DROSHA: variants seen among roughly 807,000 people sequenced by gnomAD.
DROSHA encodes ribonuclease 3.
In DROSHA, 56 loss-of-function variants were observed where a neutral mutation model predicts 181.9. The observed-to-expected ratio is 0.31, with a 90% CI of 0.25 to 0.38. The LOEUF is 0.38. Ranked by LOEUF, DROSHA falls within the 10% of genes least tolerant of loss-of-function variation. DROSHA has a pLI of 1.00. For missense variants in DROSHA, 1,218 were observed against 1,743.5 expected (o/e 0.70, Z 5.37); for synonymous variants, 524 against 591.2 (o/e 0.89, Z 1.65).
At chr5:31,417,102 CTATT>C (rs1451832661) in intron 30 of DROSHA, among the ~76,000 whole-genome samples, 1 of 152,104 alleles carries the variant, frequency 6.6e-6, no homozygotes, top group Non-Finnish European at 1.5e-5. Context: ...AAGTGGTTGC[CTATT>C]TATTCAGGGT....
chr5:31,481,530 T>C (rs4543278), intron 16 of DROSHA, among the ~76,000 whole-genome samples: 146,994 of 152,318 alleles, frequency 0.97, 71,032 homozygotes, highest in East Asian at 1. Context: ...AAGTTTACTG[T>C]TGAAGCTCCA....
chr5:31,453,970 G>C (rs1206547471), intron 20 of DROSHA, among the ~76,000 whole-genome samples: 1 of 147,134 alleles, frequency 6.8e-6, no homozygotes, highest in Non-Finnish European at 1.5e-5. Flanking sequence ...TAAAAATAGA[G>C]CAACTAGACT....
intron 4 of DROSHA, among the ~76,000 whole-genome samples, chr5:31,528,406 A>G (rs1361340732): frequency 6.6e-6 from 1 of 152,162 alleles, no homozygotes; most frequent in Non-Finnish European, 1.5e-5. Context: ...CTCTTTTCCT[A>G]GTATTTCCTA....
chr5:31,530,189 T>C (rs1741105142), intron 3 of DROSHA, among the ~76,000 whole-genome samples: 1 of 152,114 alleles, frequency 6.6e-6, no homozygotes, highest in South Asian at 2.1e-4. Context: ...GGTGCAATCA[T>C]AGCTCACTGC....
At position 31,490,130 on chromosome 5, in the gene DROSHA, C is replaced by T. The variant is rs549902368; in HGVS notation, c.1842+3077G>A. Among the ~76,000 whole-genome samples the T allele has an allele frequency of 6.6e-5, 10 of 151,884 alleles. No homozygotes were observed. The East Asian group carries it at 1.4e-3, about 21-fold the overall frequency. On this transcript the variant is annotated intron_variant, in intron 13 of 35. Transcript: ENST00000344624. The stretch of plus-strand genomic sequence containing the variant: ...ACCTCAGGTGATCTGCCCGCCTCAG[C>T]CTCCCAAAGTGCTGGGATTACAGGT...
At chr5:31,461,918 T>C (rs1204292060) in intron 20 of DROSHA, among the ~76,000 whole-genome samples, 2 of 152,110 alleles carry the variant, frequency 1.3e-5, no homozygotes, top group South Asian at 2.1e-4. Flanking sequence ...TGAAATAATA[T>C]TTAATATGTC....
intron 11 of DROSHA, among the ~76,000 whole-genome samples, chr5:31,497,072 CT>C (rs1219603185): frequency 2.6e-5 from 4 of 152,206 alleles, no homozygotes; most frequent in Non-Finnish European, 5.9e-5. Context: ...CATTCCACAG[CT>C]TGAAGGCCTA....
At chr5:31,505,278 A>G (rs1737789781) in intron 10 of DROSHA, among the ~76,000 whole-genome samples, 1 of 152,218 alleles carries the variant, frequency 6.6e-6, no homozygotes, top group Non-Finnish European at 1.5e-5. Flanking sequence ...TGCTCAATGA[A>G]TATCTGTTCT....
chr5:31,418,278 A>G (rs1369138366), intron 30 of DROSHA, among the ~76,000 whole-genome samples: 2 of 151,988 alleles, frequency 1.3e-5, no homozygotes, highest in African/African-American at 2.4e-5. Context: ...AGAGAGAGAG[A>G]GACACAGAGA....
intron 16 of DROSHA, among the ~76,000 whole-genome samples, chr5:31,478,531 C>T (rs1450286377): frequency 2.0e-5 from 3 of 152,026 alleles, no homozygotes; most frequent in Admixed American, 6.6e-5. Context: ...GTCAGGAGTT[C>T]GAGACCAGCC....
At chr5:31,505,693 G>C (rs570515976) in intron 10 of DROSHA, 7 of 152,294 alleles carry the variant, frequency 4.6e-5, no homozygotes, top group African/African-American at 1.7e-4. Context: ...AGGCTGGTCA[G>C]AGTGTAATGG....
intron 5 of DROSHA, among the ~76,000 whole-genome samples, chr5:31,522,734 T>A (rs1425596270): frequency 6.6e-6 from 1 of 152,194 alleles, no homozygotes; most frequent in East Asian, 1.9e-4. Context: ...CCATGAGAAT[T>A]CTTGCGTGGT....
intron 27 of DROSHA, among the ~76,000 whole-genome samples, chr5:31,426,764 G>A (rs975855545): frequency 2.6e-5 from 4 of 152,158 alleles, no homozygotes; most frequent in Non-Finnish European, 4.4e-5. Context: ...TTGGGAGGCT[G>A]TAACCAAAGA....
intron 21 of DROSHA, among the ~76,000 whole-genome samples, 186 bp downstream of exon 21, chr5:31,451,347 C>G (rs1172886490): frequency 6.6e-6 from 1 of 152,214 alleles, no homozygotes; most frequent in African/African-American, 2.4e-5. Context: ...GGGACGGTCT[C>G]ACATAAATGT....
intron 11 of DROSHA, among the ~76,000 whole-genome samples, chr5:31,497,156 A>T (rs1182759146): frequency 6.6e-6 from 1 of 152,214 alleles, no homozygotes; most frequent in Non-Finnish European, 1.5e-5. Context: ...CCCAGCAGGC[A>T]TCTGAGGGTA....
At chr5:31,528,928 T>G in intron 4 of DROSHA, 112 bp downstream of exon 4, 12 of 1,371,042 alleles carry the variant, frequency 8.8e-6, no homozygotes, top group African/African-American at 1.4e-5. Context: ...AATGAGCACA[T>G]TATCCCCTCT....
chr5:31,529,856 T>A (rs1261217226), intron 3 of DROSHA, among the ~76,000 whole-genome samples: 1 of 151,924 alleles, frequency 6.6e-6, no homozygotes, highest in Admixed American at 6.6e-5. Flanking sequence ...CAGTTAATGA[T>A]TCTTAATTTT....
At chr5:31,511,438 C>T (rs1313927531) in intron 8 of DROSHA, among the ~76,000 whole-genome samples, 1 of 152,164 alleles carries the variant, frequency 6.6e-6, no homozygotes, top group Non-Finnish European at 1.5e-5. Context: ...GGCGTGCTGG[C>T]TCACGCCTGT....
chr5:31,437,222 C>CA lies in DROSHA; in HGVS notation c.2942+16dup. The CA allele has an allele frequency of 1.9e-6, 3 of 1,560,504 alleles. No homozygotes were observed. The highest frequency in any genetic ancestry group is 1.7e-6 in the Non-Finnish European group (2 of 1,151,710). ...GTAATTATTGAGGAATTGTAAAAAACAAAAAAGCCTAATTACCTGGTCAGA... is the reference window on the plus strand; with the variant it reads ...GTAATTATTGAGGAATTGTAAAAAACAAAAAAAGCCTAATTACCTGGTCAGA... On this transcript the variant is annotated intron_variant, in intron 24 of 35. Transcript: ENST00000344624.
Sources: allele counts gnomAD v4.1 joint callset (sites outside exome capture counted in the v4.1 genomes callset), GRCh38; gene constraint gnomAD v4.1.1; transcripts MANE v1.5; gene names NCBI Gene and HGNC (gene_info 2026-07-23, HGNC 2026-07-21).